The following GALNT18 variants were observed in gnomAD, a reference collection of about 807,000 sequenced individuals.
The protein encoded by GALNT18 is polypeptide N-acetylgalactosaminyltransferase 18, also known as GalNAc-transferase 18.
A neutral mutation model predicts 69.5 loss-of-function variants in GALNT18; 44 were observed. That is an observed-to-expected ratio of 0.63 (90% CI 0.50 to 0.81). The LOEUF is 0.81. Among genes scored for constraint, GALNT18 ranks in the 40% least tolerant of loss-of-function variants. GALNT18 has a pLI of 0.00. For missense variants in GALNT18, 715 were observed against 810.0 expected (o/e 0.88, Z 1.42); for synonymous variants, 364 against 318.2 (o/e 1.14, Z -1.53).
In GALNT18 at chr11:11,293,083, G is replaced by A. The variant is rs765427511; in HGVS notation, c.1623C>T (p.Ile541=). 3.6e-6 allele frequency: 5 copies of A among 1,387,610 alleles called. No homozygotes were observed. In the East Asian group the frequency reaches 1.4e-4, roughly 38 times the overall value. 86.0% of individuals were successfully genotyped at this position (1,387,610 alleles called of 1,614,324 possible). Residue 541 remains isoleucine (I), a synonymous_variant, in exon 10 of 11, where the codon ATC becomes ATT. Coordinates refer to ENST00000227756, the MANE Select transcript of GALNT18 (RefSeq NM_198516.3). ...LVDVNSRPRL[I]ECSYAKAKRM... The stretch of plus-strand genomic sequence containing the variant: ...TCTTGGCTTTGGCGTAGCTGCATTC[G>A]ATGAGCCGGGGCCGGCTGTTGACGT...
At chr11:11,453,656 T>C (rs1855857203) in intron 1 of GALNT18, among the ~76,000 whole-genome samples, 1 of 152,168 alleles carries the variant, frequency 6.6e-6, no homozygotes, top group Non-Finnish European at 1.5e-5. Flanking sequence ...GGGGCAAGTC[T>C]TTCCCATGCT....
chr11:11,547,736 T>C (rs577104299), intron 1 of GALNT18, among the ~76,000 whole-genome samples: 6 of 152,300 alleles, frequency 3.9e-5, no homozygotes, highest in Admixed American at 2.0e-4. Flanking sequence ...TACGCTGCAA[T>C]TGGGGTGAGC....
chr11:11,371,135 G>C (rs1052972074), intron 6 of GALNT18, among the ~76,000 whole-genome samples: 1 of 152,160 alleles, frequency 6.6e-6, no homozygotes, highest in Non-Finnish European at 1.5e-5. Context: ...TTCTAAGCTC[G>C]GCTTCAGACA....
chr11:11,311,773 C>G (rs946024943), intron 9 of GALNT18, among the ~76,000 whole-genome samples: 3 of 152,228 alleles, frequency 2.0e-5, no homozygotes, highest in African/African-American at 7.2e-5. Context: ...TAAACAGATA[C>G]AGATTCTGCC....
At chr11:11,557,845 T>C (rs1858369226) in intron 1 of GALNT18, among the ~76,000 whole-genome samples, 1 of 152,142 alleles carries the variant, frequency 6.6e-6, no homozygotes, top group African/African-American at 2.4e-5. Flanking sequence ...CCAACATACC[T>C]GGTGATCACA....
chr11:11,539,206 G>A (rs750165957), intron 1 of GALNT18, among the ~76,000 whole-genome samples: 10 of 152,148 alleles, frequency 6.6e-5, no homozygotes, highest in African/African-American at 1.7e-4. Context: ...TCAAGGGCCC[G>A]GTGCCAGTAA....
At chr11:11,295,315 C>A (rs1307468238) in intron 9 of GALNT18, among the ~76,000 whole-genome samples, 1 of 152,126 alleles carries the variant, frequency 6.6e-6, no homozygotes, top group Non-Finnish European at 1.5e-5. Flanking sequence ...ATAAAGGCAC[C>A]ATTTTCAAAG....
intron 1 of GALNT18, among the ~76,000 whole-genome samples, chr11:11,473,141 C>G (rs528505632): frequency 6.6e-6 from 1 of 152,186 alleles, no homozygotes; most frequent in Non-Finnish European, 1.5e-5. Flanking sequence ...TCAACCCATC[C>G]CTGGTACATA....
chr11:11,319,290 G>A (rs1849805163), intron 9 of GALNT18, among the ~76,000 whole-genome samples: 2 of 152,192 alleles, frequency 1.3e-5, no homozygotes, highest in Non-Finnish European at 2.9e-5. Context: ...TGCCCCATAT[G>A]CAATGCTCAA....
Position 11,582,781 on chromosome 11 carries a change from T to C in GALNT18, c.235+38578A>G, listed in dbSNP as rs775337552. Among the ~76,000 whole-genome samples, 1 of 152,184 alleles carries C rather than the reference T, an allele frequency of 6.6e-6. No individual in the cohort carries two copies. The highest frequency in any genetic ancestry group is 1.9e-4 in the East Asian group (1 of 5,194). Reference sequence around the variant, plus strand: ...TTATTCTTCCTACAATTAATAATCATTACAGGGCTTTAGGAAGTAAGCATT... The same window carrying C: ...TTATTCTTCCTACAATTAATAATCACTACAGGGCTTTAGGAAGTAAGCATT... On this transcript the variant is annotated intron_variant, in intron 1 of 10. Coordinates refer to ENST00000227756, the MANE Select transcript of GALNT18 (RefSeq NM_198516.3). The surrounding 1 kb of genome is among the most constrained non-coding windows in gnomAD (Gnocchi z 5.0).
chr11:11,386,370 A>G (rs548551754), intron 3 of GALNT18, among the ~76,000 whole-genome samples: 1 of 152,246 alleles, frequency 6.6e-6, no homozygotes, highest in East Asian at 1.9e-4. Flanking sequence ...TCTACCAGTT[A>G]AATTACTTGG....
At chr11:11,503,603 C>T (rs180678700) in intron 1 of GALNT18, among the ~76,000 whole-genome samples, 207 of 152,278 alleles carry the variant, frequency 1.4e-3, no homozygotes, top group African/African-American at 4.6e-3. Context: ...AAAGTAAGCT[C>T]CCAAGAAGCT....
intron 6 of GALNT18, among the ~76,000 whole-genome samples, chr11:11,369,155 T>C (rs999991803): frequency 7.2e-5 from 11 of 152,234 alleles, no homozygotes; most frequent in African/African-American, 2.7e-4. Context: ...GTTCCAACTT[T>C]GGCTTACTTT....
intron 2 of GALNT18, among the ~76,000 whole-genome samples, chr11:11,446,919 C>T (rs544343107): frequency 6.6e-6 from 1 of 152,310 alleles, no homozygotes; most frequent in East Asian, 1.9e-4. Flanking sequence ...CTAAACAATA[C>T]TGAAGCTGAG....
At chr11:11,518,302 C>T (rs1857324290) in intron 1 of GALNT18, among the ~76,000 whole-genome samples, 1 of 152,226 alleles carries the variant, frequency 6.6e-6, no homozygotes, top group Non-Finnish European at 1.5e-5. Flanking sequence ...TGTTATCTAA[C>T]TAAATTGTAG....
intron 1 of GALNT18, among the ~76,000 whole-genome samples, chr11:11,571,848 C>T (rs1040857808): frequency 6.6e-6 from 1 of 152,212 alleles, no homozygotes; most frequent in Non-Finnish European, 1.5e-5. Context: ...TTACTGACGA[C>T]AGTATCTGCC....
intron 1 of GALNT18, among the ~76,000 whole-genome samples, chr11:11,487,978 A>G (rs1173719909): frequency 6.6e-6 from 1 of 152,226 alleles, no homozygotes. Context: ...GGTGGTTATA[A>G]GCCCAAGCTC....
chr11:11,403,497 T>C (rs1351166995), intron 3 of GALNT18, among the ~76,000 whole-genome samples: 1 of 152,224 alleles, frequency 6.6e-6, no homozygotes, highest in Non-Finnish European at 1.5e-5. Context: ...TTCTGGAAAC[T>C]GAATACTGTA....
chr11:11,527,624 T>C (rs1043666996), intron 1 of GALNT18, among the ~76,000 whole-genome samples: 5 of 148,564 alleles, frequency 3.4e-5, no homozygotes, highest in African/African-American at 9.9e-5. Context: ...ATATATATTA[T>C]ACATTTTTAA....
Sources: gnomAD v4.1 joint callset for allele counts (sites outside exome capture counted in the v4.1 genomes callset) on GRCh38, gnomAD v4.1.1 for gene constraint, Gnocchi (gnomAD v3.1) non-coding constraint, MANE v1.5 for transcripts, NCBI Gene and HGNC (gene_info 2026-07-23, HGNC 2026-07-21) for gene names.